The following PSMB7 variants were observed in gnomAD, a reference collection of about 807,000 sequenced individuals.
PSMB7 encodes the protein proteasome 20S subunit beta 7, also known as proteasome subunit beta type-7.
Under a neutral mutation model 28.1 loss-of-function variants are expected in PSMB7, and 5 were observed. That is an observed-to-expected ratio of 0.18 (90% CI 0.09 to 0.37). The LOEUF is 0.37. Among genes scored for constraint, PSMB7 ranks in the 10% least tolerant of loss-of-function variants. The pLI is 1.00. For synonymous variants in PSMB7, 122 were observed against 123.7 expected, an observed-to-expected ratio of 0.99 and a Z score of 0.09; for missense variants, 275 against 346.2, an observed-to-expected ratio of 0.79 and a Z score of 1.63.
intron 6 of PSMB7, among the ~76,000 whole-genome samples, chr9:124,369,863 C>T (rs1475070791): frequency 2.0e-5 from 3 of 152,212 alleles, no homozygotes; most frequent in African/African-American, 2.4e-5. Flanking sequence ...TAGAGTCCAT[C>T]GGCTCCTCTT....
chr9:124,413,144 C>T (rs1251400934), intron 3 of PSMB7, among the ~76,000 whole-genome samples: 1 of 106,534 alleles, frequency 9.4e-6, no homozygotes. Context: ...AGTGTGACCG[C>T]ATCTCTCCCA....
At chr9:124,379,536 C>G (rs1830644431) in intron 6 of PSMB7, among the ~76,000 whole-genome samples, 1 of 152,236 alleles carries the variant, frequency 6.6e-6, no homozygotes, top group Non-Finnish European at 1.5e-5. Context: ...GTGCCCTAAA[C>G]TCACTTGGTT....
intron 4 of PSMB7, among the ~76,000 whole-genome samples, chr9:124,411,174 G>A (rs1429590130): frequency 6.6e-6 from 1 of 152,054 alleles, no homozygotes; most frequent in African/African-American, 2.4e-5. Context: ...GTTTCACCAT[G>A]TTGGCCAGGC....
At chr9:124,400,387 T>C (rs1830889971) in intron 5 of PSMB7, among the ~76,000 whole-genome samples, 1 of 152,228 alleles carries the variant, frequency 6.6e-6, no homozygotes, top group Non-Finnish European at 1.5e-5. Context: ...GGACAGCAAT[T>C]TGGCAATAGC....
At chr9:124,412,901 AGTTGAGT>A (rs1831043800) in intron 3 of PSMB7, among the ~76,000 whole-genome samples, 1 of 152,222 alleles carries the variant, frequency 6.6e-6, no homozygotes, top group Non-Finnish European at 1.5e-5. Context: ...TTGTGCTCAA[AGTTGAGT>A]GTAAGATACA....
intron 6 of PSMB7, 79 bp downstream of exon 6, chr9:124,384,519 T>A: frequency 7.5e-7 from 1 of 1,328,614 alleles, no homozygotes; most frequent in Non-Finnish European, 1.1e-6. Context: ...TCGGGAGGAA[T>A]CAGCAATCAA....
intron 5 of PSMB7, among the ~76,000 whole-genome samples, chr9:124,388,348 C>G (rs566328190): frequency 6.6e-6 from 1 of 152,204 alleles, no homozygotes; most frequent in Non-Finnish European, 1.5e-5. Flanking sequence ...AGAGGACGTG[C>G]CCTCCACAAA....
intron 6 of PSMB7, among the ~76,000 whole-genome samples, chr9:124,377,107 TA>T (rs962062800): frequency 6.6e-6 from 1 of 152,108 alleles, no homozygotes; most frequent in African/African-American, 2.4e-5. Context: ...ATTGAATAAC[TA>T]AAAAAATAAA....
At chr9:124,358,556 G>A (rs1830435922) in intron 6 of PSMB7, among the ~76,000 whole-genome samples, 1 of 152,182 alleles carries the variant, frequency 6.6e-6, no homozygotes, top group African/African-American at 2.4e-5. Flanking sequence ...CAGTGAAGGT[G>A]GCAGCAAAGA....
intron 1 of PSMB7, 111 bp from the exon 2 acceptor site, chr9:124,415,046 C>A: frequency 1.4e-6 from 1 of 716,690 alleles, no homozygotes; most frequent in Non-Finnish European, 2.3e-6. Flanking sequence ...GTTTTCACGC[C>A]CATCTGTTTA....
chr9:124,364,599 C>G (rs1422722058), intron 6 of PSMB7, among the ~76,000 whole-genome samples: 1 of 150,836 alleles, frequency 6.6e-6, no homozygotes, highest in East Asian at 1.9e-4. Flanking sequence ...AAAACGAAAA[C>G]CAGGCTGTGG....
chr9:124,392,945 A>C (rs929901185), intron 5 of PSMB7, among the ~76,000 whole-genome samples: 1 of 152,302 alleles, frequency 6.6e-6, no homozygotes, highest in Non-Finnish European at 1.5e-5. Flanking sequence ...CTAATCCATC[A>C]GTGTCAGCTC....
At chr9:124,406,482 G>C (rs968964011) in intron 4 of PSMB7, among the ~76,000 whole-genome samples, 1 of 124,930 alleles carries the variant, frequency 8.0e-6, no homozygotes, top group African/African-American at 3.1e-5. Flanking sequence ...AGCCAGGACA[G>C]AGCAAGAGTT....
intron 5 of PSMB7, among the ~76,000 whole-genome samples, chr9:124,397,938 CG>C (rs1336119405): frequency 6.6e-6 from 1 of 152,158 alleles, no homozygotes; most frequent in African/African-American, 2.4e-5. Flanking sequence ...GAGGCCGAGG[CG>C]GGTGGATCAC....
chr9:124,388,766 A>G (rs1588576713), intron 5 of PSMB7, among the ~76,000 whole-genome samples: 2 of 152,256 alleles, frequency 1.3e-5, no homozygotes, highest in Middle Eastern at 6.8e-3. Context: ...TGCCCGTGCC[A>G]GTTCAAGCCT....
Position 124,412,410 on chromosome 9 carries a change from T to C in PSMB7, c.337A>G (p.Thr113Ala), listed in dbSNP as rs1285958495. The C allele has an allele frequency of 6.2e-7, 1 of 1,614,116 alleles. No individual in the cohort carries two copies. Among genetic ancestry groups the C allele is most frequent in the African/African-American group, 1.3e-5 (1 of 75,030 alleles). Reference sequence around the variant, plus strand: ...GTCACAACTCTGGGAAGACGGCCAGTGGAGAGGGAGTGGAGCTCCAGGTTG... The same window carrying C: ...GTCACAACTCTGGGAAGACGGCCAGCGGAGAGGGAGTGGAGCTCCAGGTTG... ...SSNLELHSLSTGRLPRVVTAN... is the reference protein window; with the variant it reads ...SSNLELHSLSAGRLPRVVTAN... The change falls in exon 4 of 8, where the codon ACT becomes GCT. Residue 113 changes from threonine to alanine, a missense_variant. Around this residue, in one of 2 missense-constraint regions of PSMB7, gnomAD observed 213 missense variants for 302.4 expected, o/e 0.70. Transcript: ENST00000259457.
chr9:124,375,813 T>C (rs1322003419), intron 6 of PSMB7, among the ~76,000 whole-genome samples: 1 of 152,192 alleles, frequency 6.6e-6, no homozygotes, highest in Non-Finnish European at 1.5e-5. Context: ...ACACGGATAG[T>C]CTTCCTTGAT....
At chr9:124,359,060 A>G (rs896446300) in intron 6 of PSMB7, among the ~76,000 whole-genome samples, 1 of 152,248 alleles carries the variant, frequency 6.6e-6, no homozygotes, top group Admixed American at 6.5e-5. Flanking sequence ...TTTTGCAAAC[A>G]GTCTGTAAGT....
chr9:124,367,903 A>G (rs1366524057), intron 6 of PSMB7, among the ~76,000 whole-genome samples: 1 of 152,210 alleles, frequency 6.6e-6, no homozygotes, highest in African/African-American at 2.4e-5. Context: ...CAGGGCTACC[A>G]ATGTGATAGG....
Sources: allele counts gnomAD v4.1 joint callset (sites outside exome capture counted in the v4.1 genomes callset), GRCh38; gene constraint gnomAD v4.1.1; regional missense constraint gnomAD v4.1.1; transcripts MANE v1.5; gene names NCBI Gene and HGNC (gene_info 2026-07-23, HGNC 2026-07-21).